DERL1: variants seen among roughly 807,000 people sequenced by gnomAD.
DERL1 encodes derlin 1.
A neutral mutation model predicts 41.6 loss-of-function variants in DERL1; 24 were observed. That is an observed-to-expected ratio of 0.58 (90% CI 0.42 to 0.81). The LOEUF (loss-of-function observed/expected upper bound fraction) is 0.81, where lower values mean the gene tolerates loss of function less well. Among genes scored for constraint, DERL1 ranks in the 30% least tolerant of loss-of-function variants. The pLI is 0.00. For missense variants in DERL1, 260 were observed against 314.3 expected, an observed-to-expected ratio of 0.83 and a Z score of 1.31; for synonymous variants, 124 against 112.5, an observed-to-expected ratio of 1.10 and a Z score of -0.65.
intron 7 of DERL1, chr8:123,016,741 T>A (rs1563627796): frequency 6.6e-6 from 1 of 152,238 alleles, no homozygotes; most frequent in Non-Finnish European, 1.5e-5. Context: ...ACTACATGCA[T>A]CCTGCCTGGG....
chr8:123,030,491 T>A (rs1156541907), intron 2 of DERL1, 114 bp downstream of exon 2: 2 of 707,730 alleles, frequency 2.8e-6, no homozygotes, highest in African/African-American at 3.6e-5. Flanking sequence ...GCATTTACTA[T>A]CTTTATGCAG....
At chr8:123,028,877 G>T (rs930812248) in intron 2 of DERL1, among the ~76,000 whole-genome samples, 1 of 152,046 alleles carries the variant, frequency 6.6e-6, no homozygotes, top group Non-Finnish European at 1.5e-5. Context: ...GACCAGGCTG[G>T]GCAACATGGT....
chr8:123,025,482 C>T (rs1415160242), intron 2 of DERL1: 1 of 159,392 alleles, frequency 6.3e-6, no homozygotes, highest in Non-Finnish European at 1.4e-5. Context: ...TCCTCCTCCA[C>T]TAGACCGTTA....
chr8:123,029,844 G>A (rs1293413143), intron 2 of DERL1, among the ~76,000 whole-genome samples: 1 of 152,142 alleles, frequency 6.6e-6, no homozygotes, highest in East Asian at 1.9e-4. Context: ...CAGATCACTT[G>A]AGGTCAGGAG....
intron 1 of DERL1, among the ~76,000 whole-genome samples, chr8:123,034,469 A>T (rs555114876): frequency 6.6e-6 from 1 of 152,320 alleles, no homozygotes; most frequent in Admixed American, 6.5e-5. Context: ...TTTTTTAAAG[A>T]AATCAATAAA....
intron 1 of DERL1, among the ~76,000 whole-genome samples, chr8:123,041,166 C>T (rs1813054791): frequency 6.6e-6 from 1 of 152,248 alleles, no homozygotes; most frequent in Admixed American, 6.5e-5. Context: ...GAAGTAACAC[C>T]CAGTGAAGAC....
intron 7 of DERL1, chr8:123,018,699 C>T (rs923199904): frequency 1.9e-5 from 3 of 161,286 alleles, no homozygotes; most frequent in Non-Finnish European, 4.0e-5. Flanking sequence ...TGGGCCTATA[C>T]AAACCTCAAG....
At chr8:123,038,499 A>C (rs898456497) in intron 1 of DERL1, among the ~76,000 whole-genome samples, 2 of 152,224 alleles carry the variant, frequency 1.3e-5, no homozygotes, top group Non-Finnish European at 2.9e-5. Context: ...GAAATAATAC[A>C]GGGAAGATGA....
chr8:123,028,709 C>A (rs1306565371), intron 2 of DERL1, among the ~76,000 whole-genome samples: 1 of 152,188 alleles, frequency 6.6e-6, no homozygotes, highest in Non-Finnish European at 1.5e-5. Flanking sequence ...TTTTAAATAA[C>A]TGATCATAAA....
At chr8:123,034,924 A>C (rs1812892920) in intron 1 of DERL1, among the ~76,000 whole-genome samples, 1 of 152,244 alleles carries the variant, frequency 6.6e-6, no homozygotes, top group South Asian at 2.1e-4. Flanking sequence ...GATTTGTAAA[A>C]GGTTGGAATT....
Position 123,042,062 on chromosome 8 carries a change from C to G in DERL1, c.61G>C (p.Ala21Pro), listed in dbSNP as rs747600019. The G allele has an allele frequency of 9.3e-6, 15 of 1,613,756 alleles. No homozygotes were observed. The highest frequency in any genetic ancestry group is 1.3e-5 in the Non-Finnish European group (15 of 1,179,850). ...IPAITRYWFA[A>P]TVAVPLVGKL... ...CCGACCAAGGGCACGGCGACGGTGG[C>G]GGCGAACCAATAGCGCGTGATCGCC... Residue 21 changes from alanine (A) to proline (P), a missense_variant, in exon 1 of 8, where the codon GCC becomes CCC. Transcript: ENST00000259512.
At chr8:123,034,153 G>A (rs1812873978) in intron 1 of DERL1, among the ~76,000 whole-genome samples, 2 of 152,218 alleles carry the variant, frequency 1.3e-5, no homozygotes, top group Admixed American at 6.5e-5. Flanking sequence ...AATGGAGGAC[G>A]TCAGTCACGG....
chr8:123,025,326 A>G (rs1413280307), intron 2 of DERL1, among the ~76,000 whole-genome samples: 1 of 152,206 alleles, frequency 6.6e-6, no homozygotes, highest in East Asian at 1.9e-4. Flanking sequence ...AGACCCAGAG[A>G]AAGTACAGTC....
chr8:123,039,286 T>C (rs1812995421), intron 1 of DERL1, among the ~76,000 whole-genome samples: 1 of 152,182 alleles, frequency 6.6e-6, no homozygotes. Flanking sequence ...GTCGGGGCAA[T>C]CTGTCAGTCC....
chr8:123,029,602 A>G (rs1013395171), intron 2 of DERL1, among the ~76,000 whole-genome samples: 4 of 152,220 alleles, frequency 2.6e-5, no homozygotes, highest in African/African-American at 7.2e-5. Context: ...AGCCTTTTCA[A>G]AGTCATTTAA....
chr8:123,030,234 C>T (rs555985398), intron 2 of DERL1: 4 of 167,832 alleles, frequency 2.4e-5, no homozygotes, highest in Non-Finnish European at 5.0e-5. Flanking sequence ...ATCTAGGAGA[C>T]ATATATACTC....
At chr8:123,037,116 A>G (rs1336483401) in intron 1 of DERL1, among the ~76,000 whole-genome samples, 1 of 152,212 alleles carries the variant, frequency 6.6e-6, no homozygotes, top group Non-Finnish European at 1.5e-5. Context: ...AATAAGGCAT[A>G]AAGTATTGGC....
At chr8:123,040,343 C>T (rs781754252) in intron 1 of DERL1, among the ~76,000 whole-genome samples, 1 of 152,216 alleles carries the variant, frequency 6.6e-6, no homozygotes, top group South Asian at 2.1e-4. Flanking sequence ...GGGCAGAGAT[C>T]TGAAGAAGGT....
intron 1 of DERL1, among the ~76,000 whole-genome samples, chr8:123,040,173 C>T (rs1189575706): frequency 2.0e-5 from 3 of 152,022 alleles, no homozygotes; most frequent in Non-Finnish European, 2.9e-5. Context: ...ACCAAGATTG[C>T]GCCATATACA....
Sources: gnomAD v4.1 joint callset for allele counts (sites outside exome capture counted in the v4.1 genomes callset) on GRCh38, gnomAD v4.1.1 for gene constraint, MANE v1.5 for transcripts, NCBI Gene and HGNC (gene_info 2026-07-23, HGNC 2026-07-21) for gene names.